The following DAB1 variants were observed in gnomAD, a reference collection of about 807,000 sequenced individuals.
DAB1 encodes the protein disabled homolog 1.
A neutral mutation model predicts 64.6 loss-of-function variants in DAB1; 15 were observed. The observed-to-expected ratio is 0.23, with a 90% confidence interval of 0.16 to 0.36. The LOEUF is 0.36. Ranked by LOEUF, DAB1 falls within the 10% of genes least tolerant of loss-of-function variation. The probability of loss-of-function intolerance (pLI) is 1.00; values close to 1 mark genes in which losing one functional copy is unlikely to be tolerated. For synonymous variants in DAB1, 235 were observed against 251.9 expected, an observed-to-expected ratio of 0.93 and a Z score of 0.64; for missense variants, 596 against 706.7, an observed-to-expected ratio of 0.84 and a Z score of 1.78.
intron 6 of DAB1, among the ~76,000 whole-genome samples, chr1:57,799,036 C>T (rs1363005821): frequency 6.6e-6 from 1 of 152,314 alleles, no homozygotes. Context: ...ATTCTTGATA[C>T]CTGAATTCAA....
upstream of DAB1, chr1:57,424,113 A>C (rs866831348): frequency 3.4e-5 from 5 of 148,840 alleles, no homozygotes; most frequent in South Asian, 9.0e-4. Context: ...GGAGACCGCC[A>C]CCCGCGCGGA....
chr1:58,452,448 G>A (rs1037217631), intron 3 of DAB1, among the ~76,000 whole-genome samples: 1 of 151,810 alleles, frequency 6.6e-6, no homozygotes, highest in African/African-American at 2.4e-5. Flanking sequence ...TGGGCCAACT[G>A]GAACTTTCAT....
intron 5 of DAB1, among the ~76,000 whole-genome samples, chr1:57,969,673 A>G (rs1040065427): frequency 6.6e-6 from 1 of 152,202 alleles, no homozygotes; most frequent in African/African-American, 2.4e-5. Context: ...GCTTCTTTAC[A>G]TATAAGATTG....
intron 5 of DAB1, among the ~76,000 whole-genome samples, chr1:58,086,889 A>C (rs1650351924): frequency 6.6e-6 from 1 of 152,050 alleles, no homozygotes; most frequent in Non-Finnish European, 1.5e-5. Context: ...CTGATGTTCC[A>C]ACAACACATG....
At chr1:57,353,095 A>G (rs910387091) in intron 1 of DAB1, among the ~76,000 whole-genome samples, 14 of 140,808 alleles carry the variant, frequency 9.9e-5, no homozygotes, top group African/African-American at 3.8e-4. Flanking sequence ...TATTTTCCAT[A>G]TATATATATT....
At chr1:57,302,209 G>A (rs1008722000) in intron 1 of DAB1, among the ~76,000 whole-genome samples, 4 of 152,108 alleles carry the variant, frequency 2.6e-5, no homozygotes, top group African/African-American at 9.7e-5. Flanking sequence ...CAATAACCGT[G>A]TTTTCCTGAA....
chr1:57,171,217 G>A (rs1272291006), intron 2 of DAB1, among the ~76,000 whole-genome samples: 1 of 152,080 alleles, frequency 6.6e-6, no homozygotes, highest in Non-Finnish European at 1.5e-5. Flanking sequence ...TATCAAATAG[G>A]GCCAAATTCA....
chr1:57,230,409 AT>A (rs1038610050), intron 2 of DAB1, among the ~76,000 whole-genome samples: 78 of 151,772 alleles, frequency 5.1e-4, no homozygotes, highest in African/African-American at 7.3e-4. Flanking sequence ...TTCAAAAAAA[AT>A]GTCATTATGA....
intron 2 of DAB1, among the ~76,000 whole-genome samples, chr1:57,217,383 A>G (rs892643048): frequency 2.0e-5 from 3 of 152,190 alleles, no homozygotes; most frequent in African/African-American, 4.8e-5. Flanking sequence ...GCTTGCTAGA[A>G]TGAATTGGGC....
At chr1:57,570,222 T>C (rs561463860) in intron 7 of DAB1, among the ~76,000 whole-genome samples, 2 of 152,124 alleles carry the variant, frequency 1.3e-5, no homozygotes, top group Non-Finnish European at 2.9e-5. Flanking sequence ...AAAGAGAGAC[T>C]GGCTTAGCTT....
At chr1:58,239,588 A>G (rs925430455) in intron 4 of DAB1, among the ~76,000 whole-genome samples, 5 of 152,128 alleles carry the variant, frequency 3.3e-5, no homozygotes, top group African/African-American at 1.2e-4. Flanking sequence ...GAGTGCAGAA[A>G]CTTCAGCTAG....
At chr1:58,090,970 T>C (rs572504626) in intron 5 of DAB1, among the ~76,000 whole-genome samples, 21 of 152,326 alleles carry the variant, frequency 1.4e-4, no homozygotes, top group African/African-American at 4.6e-4. Context: ...ACACATTTAT[T>C]AACCCCCTGC....
intron 4 of DAB1, among the ~76,000 whole-genome samples, chr1:58,155,013 G>T (rs1431432659): frequency 1.3e-5 from 2 of 152,136 alleles, no homozygotes; most frequent in Non-Finnish European, 2.9e-5. Flanking sequence ...ATTGGCAGGT[G>T]GTGGTGTTAA....
At chr1:57,715,286 A>G (rs1310080186) in intron 6 of DAB1, among the ~76,000 whole-genome samples, 1 of 152,212 alleles carries the variant, frequency 6.6e-6, no homozygotes, top group Non-Finnish European at 1.5e-5. Context: ...CCTTAACACA[A>G]TAAAGTCCAT....
At chr1:57,579,764 T>C (rs1436704310) in intron 7 of DAB1, among the ~76,000 whole-genome samples, 2 of 152,152 alleles carry the variant, frequency 1.3e-5, no homozygotes, top group Non-Finnish European at 2.9e-5. Context: ...AGTCTCTTAA[T>C]ATGTGCAACC....
chr1:57,842,675 A>T (rs1277433206), intron 1 of DAB1, among the ~76,000 whole-genome samples: 1 of 152,164 alleles, frequency 6.6e-6, no homozygotes, highest in Non-Finnish European at 1.5e-5. Flanking sequence ...GATGTGCCAT[A>T]CTTTAAAACC....
intron 7 of DAB1, among the ~76,000 whole-genome samples, chr1:57,632,046 A>G (rs1026995337): frequency 2.0e-5 from 3 of 152,206 alleles, no homozygotes; most frequent in African/African-American, 7.2e-5. Flanking sequence ...AACAGTCTAC[A>G]GGGAGTAGAA....
At chr1:58,389,363 A>G (rs1304762703) in intron 3 of DAB1, among the ~76,000 whole-genome samples, 1 of 152,226 alleles carries the variant, frequency 6.6e-6, no homozygotes, top group Non-Finnish European at 1.5e-5. Flanking sequence ...GCTTCAGCCC[A>G]GGAGATCCAA....
intron 5 of DAB1, among the ~76,000 whole-genome samples, chr1:58,132,318 C>T (rs538634459): frequency 3.9e-5 from 6 of 152,290 alleles, no homozygotes; most frequent in South Asian, 2.1e-4. Context: ...TGCTTCAGCT[C>T]GCGCACGGTG....
Sources: gnomAD v4.1 joint callset for allele counts (sites outside exome capture counted in the v4.1 genomes callset) on GRCh38, gnomAD v4.1.1 for gene constraint, MANE v1.5 for transcripts, NCBI Gene and HGNC (gene_info 2026-07-23, HGNC 2026-07-21) for gene names.